The following TTC23 variants were observed in gnomAD, a reference collection of about 807,000 sequenced individuals.
TTC23 encodes tetratricopeptide repeat domain 23, also known as tetratricopeptide repeat protein 23.
Under a neutral mutation model 55.1 loss-of-function variants are expected in TTC23, and 58 were observed. That is an observed-to-expected ratio of 1.05 (90% confidence interval 0.85 to 1.31). The LOEUF is 1.31. Ranked by LOEUF, TTC23 falls within the 50% of genes most tolerant of loss-of-function variation. The pLI is 0.00. For missense variants in TTC23, 516 were observed against 534.4 expected, an observed-to-expected ratio of 0.97 and a Z score of 0.34; for synonymous variants, 203 against 199.9, an observed-to-expected ratio of 1.02 and a Z score of -0.13.
At chr15:99,239,342 C>T (rs761176293) in intron 3 of TTC23, among the ~76,000 whole-genome samples, 1 of 151,826 alleles carries the variant, frequency 6.6e-6, no homozygotes, top group Non-Finnish European at 1.5e-5. Context: ...AAAATTAGCC[C>T]AGTGTGGTGG....
chr15:99,225,175 G>C (rs2078288774), intron 5 of TTC23, among the ~76,000 whole-genome samples: 1 of 152,162 alleles, frequency 6.6e-6, no homozygotes, highest in Non-Finnish European at 1.5e-5. Flanking sequence ...GACCTGAGTA[G>C]GGATAGAGGT....
intron 2 of TTC23, among the ~76,000 whole-genome samples, chr15:99,242,494 AG>A (rs2079898810): frequency 6.6e-6 from 1 of 152,238 alleles, no homozygotes; most frequent in Non-Finnish European, 1.5e-5. Flanking sequence ...TTGTTCTATG[AG>A]GTCAGTATTA....
intron 1 of TTC23, among the ~76,000 whole-genome samples, chr15:99,246,438 A>G (rs1187419781): frequency 1.5e-4 from 22 of 144,528 alleles, no homozygotes; most frequent in East Asian, 1.1e-3. Context: ...ACATGGTGAA[A>G]CCCTGTCTCT....
chr15:99,191,123 A>G (rs1000838735), intron 9 of TTC23, among the ~76,000 whole-genome samples: 1 of 152,146 alleles, frequency 6.6e-6, no homozygotes, highest in African/African-American at 2.4e-5. Context: ...ACCTGGGGAC[A>G]CTAGTATCTC....
chr15:99,244,475 A>C (rs958353836), intron 2 of TTC23, among the ~76,000 whole-genome samples: 1 of 152,234 alleles, frequency 6.6e-6, no homozygotes, highest in South Asian at 2.1e-4. Flanking sequence ...ATAATAAATA[A>C]ATAAAATTGT....
At chr15:99,195,482 C>T (rs1034802436) in intron 9 of TTC23, among the ~76,000 whole-genome samples, 7 of 152,164 alleles carry the variant, frequency 4.6e-5, no homozygotes, top group Non-Finnish European at 1.0e-4. Context: ...CAGAAACTCT[C>T]GTTCATTGCT....
In TTC23 at chr15:99,136,806, G is replaced by A. The variant is rs1261641485; in HGVS notation, c.*1204C>T. 1 of 152,220 alleles carries A rather than the reference G, an allele frequency of 6.6e-6. No individual in the cohort carries two copies. Among genetic ancestry groups the A allele is most frequent in the East Asian group, 1.9e-4 (1 of 5,196 alleles). The allele number at this position is 152,220 out of a possible 1,614,324, so 9.4% of individuals were successfully genotyped here. On this transcript the variant is annotated 3_prime_UTR_variant, in exon 14 of 14. Coordinates refer to ENST00000394132, the MANE Select transcript of TTC23 (RefSeq NM_001288615.3). ...GCTGATGTCCGACAGGCCTGGGTCT[G>A]GGACCAGTGTGTACCAGCAAGCATG...
intron 8 of TTC23, among the ~76,000 whole-genome samples, chr15:99,208,913 G>A (rs2152019509): frequency 6.6e-6 from 1 of 152,134 alleles, no homozygotes; most frequent in Non-Finnish European, 1.5e-5. Context: ...TACCTGCCAG[G>A]GATGATTTGA....
intron 9 of TTC23, among the ~76,000 whole-genome samples, chr15:99,176,018 CA>C (rs1178531080): frequency 6.6e-6 from 1 of 152,004 alleles, no homozygotes; most frequent in Non-Finnish European, 1.5e-5. Context: ...AAACAACAAA[CA>C]AAAAACTATG....
intron 12 of TTC23, among the ~76,000 whole-genome samples, chr15:99,150,712 G>A (rs1354136766): frequency 1.3e-5 from 2 of 152,148 alleles, no homozygotes; most frequent in Non-Finnish European, 2.9e-5. Flanking sequence ...TGTAAAAAAC[G>A]TTTAACTTGA....
At chr15:99,172,139 TC>T (rs1399535177) in intron 10 of TTC23, among the ~76,000 whole-genome samples, 3 of 151,944 alleles carry the variant, frequency 2.0e-5, no homozygotes, top group Admixed American at 6.6e-5. Flanking sequence ...TGCCTCAGCC[TC>T]CCAAGTAGCT....
intron 9 of TTC23, among the ~76,000 whole-genome samples, chr15:99,176,871 C>A (rs1313402876): frequency 1.3e-5 from 2 of 152,180 alleles, no homozygotes; most frequent in Admixed American, 1.3e-4. Context: ...ATTCTGCTAT[C>A]TCTATCATGT....
chr15:99,220,462 A>T (rs1174937714), intron 6 of TTC23, among the ~76,000 whole-genome samples: 1 of 152,216 alleles, frequency 6.6e-6, no homozygotes, highest in Non-Finnish European at 1.5e-5. Flanking sequence ...TCTGAGTCTC[A>T]GATCAGCTAC....
Position 99,156,209 on chromosome 15 carries a change from A to C in TTC23, c.1082T>G (p.Leu361Arg). ...CTGCGCCAGGTCTGCTCCTCCCAGG[A>C]GCCGGTATGTCTCTGCCACCTCGGG... ...FSPEVAETYR[L>R]LGGADLAQGN... is the part of the protein sequence containing the mutation. The change falls in exon 12 of 14, where the codon CTC becomes CGC. Residue 361 changes from leucine to arginine, a missense_variant. By Grantham distance (102) the Leu-to-Arg change is moderately radical. Transcript: ENST00000394132. The C allele has an allele frequency of 6.2e-7, 1 of 1,614,188 alleles. No homozygotes were observed. The highest frequency in any genetic ancestry group is 8.5e-7 in the Non-Finnish European group (1 of 1,180,042).
At chr15:99,236,152 C>A (rs922493438) in intron 3 of TTC23, among the ~76,000 whole-genome samples, 4 of 152,034 alleles carry the variant, frequency 2.6e-5, no homozygotes, top group African/African-American at 9.7e-5. Context: ...GAGGTACATG[C>A]CCAGAAGTGA....
At chr15:99,183,063 G>A (rs1198170683) in intron 9 of TTC23, among the ~76,000 whole-genome samples, 1 of 152,208 alleles carries the variant, frequency 6.6e-6, no homozygotes, top group Non-Finnish European at 1.5e-5. Context: ...TCAGAAGACA[G>A]GAAGATGTGG....
intron 5 of TTC23, 128 bp from the exon 6 acceptor site, chr15:99,221,992 ACT>A (rs1161067949): frequency 1.4e-5 from 15 of 1,054,204 alleles, no homozygotes; most frequent in Non-Finnish European, 1.7e-5. Flanking sequence ...TGTTCTAAGC[ACT>A]TGAGATGTAT....
chr15:99,215,107 C>T (rs1451562826), intron 8 of TTC23, among the ~76,000 whole-genome samples: 2 of 151,202 alleles, frequency 1.3e-5, no homozygotes, highest in East Asian at 2.0e-4. Flanking sequence ...CCACCCGCCT[C>T]GGCCTCCCAA....
intron 12 of TTC23, chr15:99,155,880 A>C: frequency 2.0e-6 from 1 of 512,414 alleles, no homozygotes; most frequent in Non-Finnish European, 3.4e-6. Flanking sequence ...GCAAACATAA[A>C]GGACTGATCA....
Sources: gnomAD v4.1 joint callset for allele counts (sites outside exome capture counted in the v4.1 genomes callset) on GRCh38, gnomAD v4.1.1 for gene constraint, MANE v1.5 for transcripts, NCBI Gene and HGNC (gene_info 2026-07-23, HGNC 2026-07-21) for gene names.